Variants in NELL1 observed in about 807,000 individuals in gnomAD.
NELL1 encodes the protein protein kinase C-binding protein NELL1.
NELL1 carries 76 observed loss-of-function variants against 107.4 expected under a neutral mutation model. The observed-to-expected ratio is 0.71, with a 90% CI of 0.59 to 0.86. NELL1 has a LOEUF of 0.86. Ranked by LOEUF, NELL1 falls within the 40% of genes least tolerant of loss-of-function variation. NELL1 has a pLI of 0.00. For synonymous variants in NELL1, 353 were observed against 341.2 expected, an observed-to-expected ratio of 1.03 and a Z score of -0.38; for missense variants, 1,024 against 1,005.5, an observed-to-expected ratio of 1.02 and a Z score of -0.25.
rs551692932 is a variant in NELL1, at chr11:20,892,057, T to C, written c.603+6517T>C. Reference sequence around the variant, plus strand: ...AACTCTCCACCCCAAATCAACAGAATATACATTCTTCTCAGTGCCACATGA... The same window carrying C: ...AACTCTCCACCCCAAATCAACAGAACATACATTCTTCTCAGTGCCACATGA... On this transcript the variant is annotated intron_variant, in intron 5 of 19. Coordinates refer to ENST00000357134, the MANE Select transcript of NELL1 (RefSeq NM_006157.5). 2.6e-5 allele frequency among the ~76,000 whole-genome samples: 4 copies of C among 152,330 alleles called. No individual in the cohort carries two copies. The South Asian group carries it at 8.3e-4, about 32-fold the overall frequency.
intron 13 of NELL1, among the ~76,000 whole-genome samples, chr11:21,115,284 C>T (rs1029526305): frequency 6.6e-6 from 1 of 151,604 alleles, no homozygotes; most frequent in African/African-American, 2.4e-5. Flanking sequence ...TGCCCTTCTC[C>T]CCCCTACACA....
chr11:21,459,542 A>G (rs776933479), intron 15 of NELL1, among the ~76,000 whole-genome samples: 26 of 151,924 alleles, frequency 1.7e-4, no homozygotes, highest in Admixed American at 5.9e-4. Flanking sequence ...AGAAGGACTG[A>G]ATTGGAAAGT....
At chr11:21,238,138 A>T (rs967343012) in intron 14 of NELL1, among the ~76,000 whole-genome samples, 140 of 152,030 alleles carry the variant, frequency 9.2e-4, no homozygotes, top group Non-Finnish European at 4.3e-4. Flanking sequence ...AAACAATGGG[A>T]TTACCATTGA....
rs1406856961 is a variant in NELL1 at position 20,796,528 on chromosome 11, G to A, written c.335+12698G>A. Among the ~76,000 whole-genome samples, 8 of 133,016 alleles carry A rather than the reference G, an allele frequency of 6.0e-5. No individual in the cohort carries two copies. In the Admixed American group the frequency reaches 6.6e-4, roughly 11 times the overall value. 87.3% of individuals were successfully genotyped at this position (133,016 alleles called of 152,430 possible). A position where few individuals can be genotyped will look rare whatever the true frequency, so the allele number is the denominator to read the frequency against. On this transcript the variant is annotated intron_variant, in intron 3 of 19. Coordinates refer to ENST00000357134, the MANE Select transcript of NELL1 (RefSeq NM_006157.5). ...TTACTTTCATTTGGGAATGAAGGGA[G>A]CAAATTGGAGACTTGCCCTAAAAAA...
At chr11:20,892,401 G>A (rs970336883) in intron 5 of NELL1, among the ~76,000 whole-genome samples, 1 of 152,126 alleles carries the variant, frequency 6.6e-6, no homozygotes, top group Non-Finnish European at 1.5e-5. Context: ...CATACCAGTC[G>A]GAATGGTGAT....
intron 2 of NELL1, among the ~76,000 whole-genome samples, chr11:20,752,455 A>G (rs1856162675): frequency 6.6e-6 from 1 of 152,226 alleles, no homozygotes; most frequent in Admixed American, 6.5e-5. Context: ...AGGCTGAGGC[A>G]GGAGAATCAC....
intron 15 of NELL1, among the ~76,000 whole-genome samples, chr11:21,500,312 A>C (rs558447497): frequency 2.0e-5 from 3 of 151,986 alleles, no homozygotes; most frequent in Non-Finnish European, 4.4e-5. Context: ...GCCACAATGG[A>C]TTTTACTGTT....
Position 21,175,080 on chromosome 11 carries a change from A to G in NELL1, c.1427-54252A>G, listed in dbSNP as rs533998481. Among the ~76,000 whole-genome samples the G allele has an allele frequency of 3.3e-5, 5 of 151,972 alleles. No homozygotes were observed. The South Asian group carries it at 1.0e-3, about 32-fold the overall frequency. On this transcript the variant is annotated intron_variant, in intron 13 of 19. Transcript: ENST00000357134. ...AGAAATAATTCTACTCCAGGCTAAA[A>G]TATGAGACTTAAATTTACTGAATTG...
chr11:21,077,066 A>G (rs923864296), intron 12 of NELL1, among the ~76,000 whole-genome samples: 2 of 152,120 alleles, frequency 1.3e-5, no homozygotes, highest in African/African-American at 4.8e-5. Context: ...CCACCTTCCC[A>G]TTTTAAGTAT....
Position 20,848,679 on chromosome 11 carries a change from T to C in NELL1, c.506+926T>C, listed in dbSNP as rs143654168. ...GAACCCAGGATAAAGAACAGGCATA[T>C]TGGGGATAGCCTCCCTTCCAAAAAC... On this transcript the variant is annotated intron_variant, in intron 4 of 19. Transcript: ENST00000357134. Among the ~76,000 whole-genome samples, 169 of 152,234 alleles carry C rather than the reference T, an allele frequency of 1.1e-3. 2 individuals are homozygous for C. Among genetic ancestry groups the C allele is most frequent in the Admixed American group, 4.6e-3 (71 of 15,288 alleles).
intron 13 of NELL1, among the ~76,000 whole-genome samples, chr11:21,216,203 T>C (rs1383337032): frequency 6.6e-6 from 1 of 152,146 alleles, no homozygotes; most frequent in Non-Finnish European, 1.5e-5. Context: ...AAGTCAAGAA[T>C]TGAGGTTTGG....
chr11:20,740,307 G>A (rs1855861939), intron 2 of NELL1, among the ~76,000 whole-genome samples: 3 of 152,176 alleles, frequency 2.0e-5, no homozygotes, highest in South Asian at 4.1e-4. Context: ...TAGGAAAGGA[G>A]AAGGTCTTCC....
At chr11:21,055,607 A>G (rs1490336549) in intron 12 of NELL1, among the ~76,000 whole-genome samples, 1 of 151,958 alleles carries the variant, frequency 6.6e-6, no homozygotes, top group African/African-American at 2.4e-5. Context: ...GTTCTAATTG[A>G]TTGTTGGTTT....
intron 2 of NELL1, among the ~76,000 whole-genome samples, chr11:20,775,959 G>T (rs559403797): frequency 6.6e-6 from 1 of 152,218 alleles, no homozygotes; most frequent in East Asian, 1.9e-4. Flanking sequence ...CAACAGGTTT[G>T]GGTTATATTT....
chr11:20,817,790 G>T (rs1857655994), intron 3 of NELL1, among the ~76,000 whole-genome samples: 1 of 150,592 alleles, frequency 6.6e-6, no homozygotes, highest in Non-Finnish European at 1.5e-5. Flanking sequence ...TACTGCTTTT[G>T]CTTCCTCCCA....
At chr11:21,368,117 G>T (rs1004336698) in intron 14 of NELL1, among the ~76,000 whole-genome samples, 1 of 152,014 alleles carries the variant, frequency 6.6e-6, no homozygotes, top group African/African-American at 2.4e-5. Flanking sequence ...TTATGTTTTT[G>T]ATGACATATC....
chr11:21,278,505 A>G (rs1848921121), intron 14 of NELL1, among the ~76,000 whole-genome samples: 1 of 152,186 alleles, frequency 6.6e-6, no homozygotes, highest in Non-Finnish European at 1.5e-5. Context: ...GGCAATGAAC[A>G]AGTGAAATTT....
At chr11:20,864,318 C>T (rs1849055122) in intron 4 of NELL1, among the ~76,000 whole-genome samples, 1 of 152,126 alleles carries the variant, frequency 6.6e-6, no homozygotes, top group Non-Finnish European at 1.5e-5. Context: ...GTGGTAAGAA[C>T]ACAACATCTC....
chr11:21,065,002 GT>G (rs1218473904), intron 12 of NELL1, among the ~76,000 whole-genome samples: 5 of 152,138 alleles, frequency 3.3e-5, no homozygotes, highest in African/African-American at 1.2e-4. Context: ...ACAATGTAGA[GT>G]TTAATGATAC....
Sources: gnomAD v4.1 joint callset for allele counts (sites outside exome capture counted in the v4.1 genomes callset) on GRCh38, gnomAD v4.1.1 for gene constraint, MANE v1.5 for transcripts, NCBI Gene and HGNC (gene_info 2026-07-23, HGNC 2026-07-21) for gene names.